The following SENP6 variants were observed in gnomAD, a reference collection of about 807,000 sequenced individuals.
The protein encoded by SENP6 is SUMO specific peptidase 6, also known as sentrin-specific protease 6.
Under a neutral mutation model 134.5 loss-of-function variants are expected in SENP6, and 41 were observed. The ratio of observed to expected loss-of-function variants is 0.30; its 90% confidence interval spans 0.24 to 0.40. The LOEUF (loss-of-function observed/expected upper bound fraction) is 0.40. Ranked by LOEUF, SENP6 falls within the 10% of genes least tolerant of loss-of-function variation. The pLI, the probability that SENP6 is intolerant of heterozygous loss-of-function variation, is 1.00. For synonymous variants in SENP6, 395 were observed against 429.8 expected, an observed-to-expected ratio of 0.92 and a Z score of 1.00; for missense variants, 1,248 against 1,312.5, an observed-to-expected ratio of 0.95 and a Z score of 0.76.
At chr6:75,710,210 C>G (rs924142121) in intron 20 of SENP6, among the ~76,000 whole-genome samples, 2 of 151,774 alleles carry the variant, frequency 1.3e-5, no homozygotes, top group Non-Finnish European at 2.9e-5. Context: ...CTGCCTGATT[C>G]GATTTATATG....
At chr6:75,704,806 A>G (rs908310342) in intron 19 of SENP6, among the ~76,000 whole-genome samples, 15 of 152,180 alleles carry the variant, frequency 9.9e-5, no homozygotes, top group African/African-American at 3.6e-4. Context: ...CCCCTGGTTT[A>G]TCGAGACTAG....
intron 1 of SENP6, among the ~76,000 whole-genome samples, chr6:75,607,231 C>T (rs1767094874): frequency 6.6e-6 from 1 of 151,660 alleles, no homozygotes; most frequent in Non-Finnish European, 1.5e-5. Flanking sequence ...CCCAGGAGGG[C>T]GAGGCTGCAG....
At chr6:75,607,251 A>G (rs924433142) in intron 1 of SENP6, among the ~76,000 whole-genome samples, 1 of 151,878 alleles carries the variant, frequency 6.6e-6, no homozygotes, top group Non-Finnish European at 1.5e-5. Flanking sequence ...GTGAGCCATG[A>G]TCGTACCACT....
intron 7 of SENP6, among the ~76,000 whole-genome samples, chr6:75,651,631 T>TA (rs1317845496): frequency 2.0e-5 from 3 of 151,816 alleles, no homozygotes; most frequent in Non-Finnish European, 4.4e-5. Context: ...GGATTACAGG[T>TA]TTGGGCCACT....
intron 3 of SENP6, among the ~76,000 whole-genome samples, chr6:75,631,923 T>G (rs1019564927): frequency 2.0e-5 from 3 of 152,134 alleles, no homozygotes; most frequent in Admixed American, 1.3e-4. Context: ...GATGAAGCAT[T>G]GATGAAACCA....
intron 1 of SENP6, among the ~76,000 whole-genome samples, chr6:75,604,259 G>T (rs888104031): frequency 4.6e-5 from 7 of 152,162 alleles, no homozygotes; most frequent in Admixed American, 2.6e-4. Flanking sequence ...TGAATGTATA[G>T]GTATGATAAA....
chr6:75,664,097 A>G (rs1189552947), intron 9 of SENP6, among the ~76,000 whole-genome samples: 1 of 152,116 alleles, frequency 6.6e-6, no homozygotes, highest in Admixed American at 6.5e-5. Context: ...GAATAATGCA[A>G]GCTACAGATA....
chr6:75,697,303 C>T, intron 17 of SENP6, 122 bp from the exon 18 acceptor site: 1 of 660,000 alleles, frequency 1.5e-6, no homozygotes, highest in South Asian at 2.9e-5. Flanking sequence ...CCCAGTTTGT[C>T]AAACCATTTT....
intron 16 of SENP6, among the ~76,000 whole-genome samples, chr6:75,690,321 TG>T (rs1276412788): frequency 6.6e-6 from 1 of 152,214 alleles, no homozygotes; most frequent in Admixed American, 6.5e-5. Flanking sequence ...ATAAACCAAA[TG>T]TGGTGTATAC....
rs1231789320 is a variant in SENP6 at position 75,633,717 on chromosome 6, A to C, written c.344A>C (p.Lys115Thr). The change falls in exon 4 of 24, where the codon AAG becomes ACG. Residue 115 changes from lysine (K) to threonine (T), a missense_variant. Physicochemically the swap from Lys to Thr is moderately conservative, Grantham distance 78. Transcript: ENST00000447266. ...PIGLNMLSNN[K>T]KLSENTQNTS... The stretch of plus-strand genomic sequence containing the variant: ...GGACTTAACATGTTGAGCAACAATA[A>C]GAAATTGAGGTATAGGCACTTCACC... 1 of 1,605,360 alleles carries C rather than the reference A, an allele frequency of 6.2e-7. No individual in the cohort carries two copies. The highest frequency in any genetic ancestry group is 1.1e-5 in the South Asian group (1 of 89,044).
In SENP6 at chr6:75,682,199, G is replaced by A. The variant is rs190922906; in HGVS notation, c.2075+3272G>A. Among the ~76,000 whole-genome samples, 153 of 152,066 alleles carry A rather than the reference G, an allele frequency of 1.0e-3. 1 individual carries two copies. Among genetic ancestry groups the A allele is most frequent in the African/African-American group, 3.6e-3 (151 of 41,502 alleles). On this transcript the variant is annotated intron_variant, in intron 16 of 23. Transcript: ENST00000447266. ...CACCAAGAAAACATACTAATCCTAT[G>A]TACTAAACAACAGAACTATAAAATG...
intron 5 of SENP6, chr6:75,635,152 G>A (rs906916269): frequency 1.8e-5 from 6 of 342,822 alleles, no homozygotes; most frequent in Non-Finnish European, 3.4e-5. Context: ...TAAAATTACA[G>A]TTAATACCGT....
At chr6:75,663,897 A>T (rs184545186) in intron 9 of SENP6, among the ~76,000 whole-genome samples, 1 of 151,338 alleles carries the variant, frequency 6.6e-6, no homozygotes, top group East Asian at 1.9e-4. Context: ...TCCTTACCAC[A>T]TTTGTTCCTA....
chr6:75,706,974 T>C (rs1775441970), intron 19 of SENP6, among the ~76,000 whole-genome samples: 1 of 152,218 alleles, frequency 6.6e-6, no homozygotes, highest in African/African-American at 2.4e-5. Context: ...CATCTTCACA[T>C]GGTCTCCTTA....
intron 19 of SENP6, among the ~76,000 whole-genome samples, chr6:75,707,465 G>A (rs147120415): frequency 1.4e-5 from 2 of 141,336 alleles, no homozygotes; most frequent in African/African-American, 5.3e-5. Context: ...CTGGACTCAA[G>A]CAGTCCTCCC....
chr6:75,699,759 G>A (rs1774909273), intron 18 of SENP6, among the ~76,000 whole-genome samples: 1 of 152,202 alleles, frequency 6.6e-6, no homozygotes, highest in South Asian at 2.1e-4. Context: ...CAAAGTGCTG[G>A]GATTACAGGC....
At chr6:75,660,997 G>A (rs115188821) in intron 8 of SENP6, among the ~76,000 whole-genome samples, 2,993 of 152,162 alleles carry the variant, frequency 0.02, 106 homozygotes, top group African/African-American at 0.068. Flanking sequence ...CATACAAGGA[G>A]AAGGAAATAT....
intron 18 of SENP6, among the ~76,000 whole-genome samples, chr6:75,702,340 A>T (rs1318334021): frequency 2.0e-5 from 3 of 150,490 alleles, no homozygotes; most frequent in African/African-American, 7.3e-5. Context: ...GCCTCAGCCT[A>T]CTGAGTAGCT....
At chr6:75,667,969 A>G (rs1772376373) in intron 10 of SENP6, among the ~76,000 whole-genome samples, 1 of 152,204 alleles carries the variant, frequency 6.6e-6, no homozygotes, top group African/African-American at 2.4e-5. Flanking sequence ...TTTTTATAAA[A>G]TAATAAACTT....
Sources: allele counts gnomAD v4.1 joint callset (sites outside exome capture counted in the v4.1 genomes callset), GRCh38; gene constraint gnomAD v4.1.1; transcripts MANE v1.5; gene names NCBI Gene and HGNC (gene_info 2026-07-23, HGNC 2026-07-21).